The following ARID1A variants were observed in gnomAD, a reference collection of about 807,000 sequenced individuals.
ARID1A encodes AT-rich interaction domain 1A.
ARID1A carries 20 observed loss-of-function variants against 212.6 expected under a neutral mutation model. The observed-to-expected ratio is 0.09, with a 90% CI of 0.07 to 0.14. The LOEUF (loss-of-function observed/expected upper bound fraction) is 0.14. ARID1A is among the 10% of genes least tolerant of loss of function. ARID1A has a pLI of 1.00. For synonymous variants in ARID1A, 1,376 were observed against 1,222.1 expected (o/e 1.13, Z -2.63); for missense variants, 2,587 against 3,059.0 (o/e 0.85, Z 3.64).
chr1:26,737,464 G>A (rs1260723314), intron 4 of ARID1A, among the ~76,000 whole-genome samples: 1 of 152,164 alleles, frequency 6.6e-6, no homozygotes, highest in African/African-American at 2.4e-5. Flanking sequence ...CAGGCACTGT[G>A]TTATTGACCT....
Position 26,768,009 on chromosome 1 carries a change from C to T in ARID1A, c.3198+10C>T, listed in dbSNP as rs376389652. 176 of 1,612,558 alleles carry T rather than the reference C, an allele frequency of 1.1e-4. No homozygotes were observed. The highest frequency in any genetic ancestry group is 2.8e-4 in the African/African-American group (21 of 74,892). ...TGGTGGATTGACTCAGGTGAGTGGG[C>T]GCCTGACACTTGACTGCCCCTGTGG... is the stretch of plus-strand genomic sequence containing the variant. On this transcript the variant is annotated intron_variant, in intron 11 of 19. Transcript: ENST00000324856.
At chr1:26,762,596 A>G (rs2081002445) in intron 7 of ARID1A, among the ~76,000 whole-genome samples, 1 of 152,242 alleles carries the variant, frequency 6.6e-6, no homozygotes, top group African/African-American at 2.4e-5. Context: ...GACAATTTAT[A>G]CATGGTAGCT....
In ARID1A at chr1:26,774,293, G is replaced by C. The variant is rs370696482; in HGVS notation, c.4102-36G>C. On this transcript the variant is annotated intron_variant, in intron 17 of 19. Transcript: ENST00000324856. The surrounding 1 kb of genome is among the most constrained non-coding windows in gnomAD (Gnocchi z 5.6). ...TGTGGGCTTTATGTCCCTGAGTGCA[G>C]AGTATTAACTTCCCCTCTGCTTGTC... The C allele has an allele frequency of 4.6e-6, 7 of 1,516,560 alleles. No individual in the cohort carries two copies. Among genetic ancestry groups the C allele is most frequent in the Non-Finnish European group, 6.2e-6 (7 of 1,133,056 alleles). The allele number at this position is 1,516,560 out of a possible 1,614,324, so 93.9% of individuals were successfully genotyped here. A position where few individuals can be genotyped will look rare whatever the true frequency, so the allele number is the denominator to read the frequency against.
intron 10 of ARID1A, among the ~76,000 whole-genome samples, chr1:26,766,924 A>T (rs1430485278): frequency 6.6e-6 from 1 of 152,166 alleles, no homozygotes; most frequent in African/African-American, 2.4e-5. Context: ...GCCATGGGCA[A>T]CTAGTTGCTC....
rs1186510839 is a variant in ARID1A, at chr1:26,696,622, G to A, written c.219G>A (p.Leu73=). 8.7e-6 allele frequency: 11 copies of A among 1,260,222 alleles called. No individual in the cohort carries two copies. The highest frequency in any genetic ancestry group is 4.2e-5 in the Admixed American group (1 of 23,546). The allele number at this position is 1,260,222 out of a possible 1,614,324, so 78.1% of individuals were successfully genotyped here. Residue 73 remains leucine (L), a synonymous_variant, in exon 1 of 20, where the codon CTG becomes CTA. Transcript: ENST00000324856. ...VGPPQPLGKE[L]QDGAESNGGG... ...CGCCGCAGCCGCTGGGAAAGGAGCT[G>A]CAGGACGGGGCCGAGAGCAATGGGG... is the stretch of plus-strand genomic sequence containing the variant.
chr1:26,773,816 G>A lies in ARID1A; in HGVS notation c.4019G>A (p.Gly1340Asp), dbSNP rs2081107999. The A allele has an allele frequency of 1.2e-6, 2 of 1,613,980 alleles. No homozygotes were observed. Among genetic ancestry groups the A allele is most frequent in the African/African-American group, 2.7e-5 (2 of 74,884 alleles). Residue 1340 changes from glycine to aspartate, a missense_variant, in exon 17 of 20, where the codon GGC becomes GAC. Physicochemically the swap from Gly to Asp is moderately conservative, Grantham distance 94. Coordinates refer to ENST00000324856, the MANE Select transcript of ARID1A (RefSeq NM_006015.6). ...GCCTCCTATAGACATGATTCCTATG[G>A]CAATCAGTTCTCCACCCAAGGCACC... ...QQQQQRHDSY[G>D]NQFSTQGTPS...
In ARID1A at chr1:26,781,201, A is replaced by C; in HGVS notation, c.*445A>C. The C allele has an allele frequency of 4.2e-6, 1 of 240,550 alleles. No individual in the cohort carries two copies. The highest frequency in any genetic ancestry group is 8.2e-6 in the Non-Finnish European group (1 of 122,680). 14.9% of individuals were successfully genotyped at this position (240,550 alleles called of 1,614,324 possible). On this transcript the variant is annotated 3_prime_UTR_variant, in exon 20 of 20. Transcript: ENST00000324856. Reference sequence around the variant, plus strand: ...AATACAAAAAAAAATTCTGAAGGACAAAAAAGGTGACTGCTGAACTGTGTG... The same window carrying C: ...AATACAAAAAAAAATTCTGAAGGACCAAAAAGGTGACTGCTGAACTGTGTG...
rs1448122898 is a variant in ARID1A at position 26,773,466 on chromosome 1, A to G, written c.3836A>G (p.Tyr1279Cys). 1.9e-6 allele frequency: 3 copies of G among 1,613,330 alleles called. No individual in the cohort carries two copies. Among genetic ancestry groups the G allele is most frequent in the East Asian group, 2.2e-5 (1 of 44,874 alleles). Residue 1279 changes from tyrosine (Y) to cysteine (C), a missense_variant, in exon 15 of 20, where the codon TAT becomes TGT. Tyr to Cys is a radical substitution (Grantham distance 194). Transcript: ENST00000324856. Reference protein sequence around the residue: ...GNVAMGPRQHYPYGGPYDRVR... With the variant: ...GNVAMGPRQHCPYGGPYDRVR... ...GTGGCGATGGGACCACGACAGCACT[A>G]TCCCTATGGAGGTCCTTATGACAGA... is the stretch of plus-strand genomic sequence containing the variant.
chr1:26,696,824 G>A lies in ARID1A; in HGVS notation c.421G>A (p.Ala141Thr), dbSNP rs1392898464. The A allele has an allele frequency of 8.2e-6, 11 of 1,339,020 alleles. No homozygotes were observed. The Admixed American group carries it at 3.7e-4, about 45-fold the overall frequency. 82.9% of individuals were successfully genotyped at this position (1,339,020 alleles called of 1,614,324 possible). A position where few individuals can be genotyped will look rare whatever the true frequency, so the allele number is the denominator to read the frequency against. ...GGGGGCGCCTCCTCACTCAGCCGCG[G>A]CCGCCTTGCCGCCCCCAGCCTACGG... ...GVGAPPHSAA[A>T]ALPPPAYGFG... Residue 141 changes from alanine (A) to threonine (T), a missense_variant, in exon 1 of 20, where the codon GCC becomes ACC. Ala to Thr is a moderately conservative substitution (Grantham distance 58). This residue lies in a region of ARID1A where 735 missense variants were observed against 590.6 expected (regional missense o/e 1.24). Coordinates refer to ENST00000324856, the MANE Select transcript of ARID1A (RefSeq NM_006015.6).
rs768785041 is a variant in ARID1A, at chr1:26,779,362, C to A, written c.5464C>A (p.Pro1822Thr). 2 of 1,614,214 alleles carry A rather than the reference C, an allele frequency of 1.2e-6. No homozygotes were observed. The change falls in exon 20 of 20, where the codon CCA becomes ACA. Residue 1822 changes from proline (P) to threonine (T), a missense_variant. Transcript: ENST00000324856. ...LPVKIVQKND[P>T]FVVDCSDKLG... is the part of the protein sequence containing the mutation. ...AGTAAAGATCGTACAGAAGAATGAT[C>A]CATTTGTGGTGGACTGCTCAGATAA...
intron 4 of ARID1A, among the ~76,000 whole-genome samples, chr1:26,740,988 G>C (rs1279506933): frequency 6.6e-6 from 1 of 152,186 alleles, no homozygotes; most frequent in Non-Finnish European, 1.5e-5. Context: ...AATATAGTAA[G>C]ATTTCTGAAA....
At chr1:26,708,639 G>A (rs1367510418) in intron 1 of ARID1A, among the ~76,000 whole-genome samples, 1 of 151,570 alleles carries the variant, frequency 6.6e-6, no homozygotes, top group Non-Finnish European at 1.5e-5. Context: ...AGTATATGCA[G>A]AGTGATATTA....
At chr1:26,699,394 C>T (rs1024273450) in intron 1 of ARID1A, among the ~76,000 whole-genome samples, 25 of 152,226 alleles carry the variant, frequency 1.6e-4, no homozygotes, top group Admixed American at 3.9e-4. Context: ...AAGCTCCATT[C>T]ATCCCCTCCC....
At chr1:26,735,969 C>G (rs1481988666) in intron 4 of ARID1A, among the ~76,000 whole-genome samples, 1 of 152,128 alleles carries the variant, frequency 6.6e-6, no homozygotes, top group African/African-American at 2.4e-5. Context: ...AATCAAGCTT[C>G]AAGACGCACC....
At chr1:26,736,628 C>CA (rs71007890) in intron 4 of ARID1A, among the ~76,000 whole-genome samples, 604 of 73,880 alleles carry the variant, frequency 8.2e-3, no homozygotes, top group Admixed American at 0.011. Flanking sequence ...GACTCTGTCT[C>CA]AAAAAAAAAA....
rs752117640 is a variant in ARID1A at position 26,697,460 on chromosome 1, G to T, written c.1057G>T (p.Ala353Ser). 9 of 1,383,224 alleles carry T rather than the reference G, an allele frequency of 6.5e-6. No individual in the cohort carries two copies. In the South Asian group the frequency reaches 1.5e-4, roughly 23 times the overall value. The allele number at this position is 1,383,224 out of a possible 1,614,324, so 85.7% of individuals were successfully genotyped here. Residue 353 changes from alanine to serine, a missense_variant, in exon 1 of 20, where the codon GCC becomes TCC. Physicochemically the swap from Ala to Ser is moderately conservative, Grantham distance 99. Around this residue, in one of 11 missense-constraint regions of ARID1A, gnomAD observed 735 missense variants for 590.6 expected, o/e 1.24. Coordinates refer to ENST00000324856, the MANE Select transcript of ARID1A (RefSeq NM_006015.6). ...TGCGGCGGCGGCCGCCTCGGGAGGGGCCCAACAAAGGAGCCACCACGCGCC... is the reference window on the plus strand; with the variant it reads ...TGCGGCGGCGGCCGCCTCGGGAGGGTCCCAACAAAGGAGCCACCACGCGCC... Reference protein sequence around the residue: ...AAAAAAASGGAQQRSHHAPMS... With the variant: ...AAAAAAASGGSQQRSHHAPMS...
chr1:26,739,852 C>T (rs900493599), intron 4 of ARID1A, among the ~76,000 whole-genome samples: 8 of 152,152 alleles, frequency 5.3e-5, no homozygotes, highest in African/African-American at 1.9e-4. Flanking sequence ...CCCTCTCTTT[C>T]TCCACTGCCT....
chr1:26,775,185 T>G lies in ARID1A; in HGVS notation c.4958T>G (p.Leu1653Trp). 1 of 1,603,896 alleles carries G rather than the reference T, an allele frequency of 6.2e-7. No homozygotes were observed. The highest frequency in any genetic ancestry group is 8.5e-7 in the Non-Finnish European group (1 of 1,176,338). ...TCTGTTGAAGCCACACAGCCTGTGTTGAAGCAGAGGAGGCGGCTCACAATG... is the reference window on the plus strand; with the variant it reads ...TCTGTTGAAGCCACACAGCCTGTGTGGAAGCAGAGGAGGCGGCTCACAATG... ...PGSVEATQPV[L>W]KQRRRLTMKD... The change falls in exon 18 of 20, where the codon TTG becomes TGG. Residue 1653 changes from leucine (L) to tryptophan (W), a missense_variant. Physicochemically the swap from Leu to Trp is moderately conservative, Grantham distance 61 (BLOSUM62 -2). Coordinates refer to ENST00000324856, the MANE Select transcript of ARID1A (RefSeq NM_006015.6).
Position 26,767,848 on chromosome 1 carries a change from G to T in ARID1A, c.3047G>T (p.Gly1016Val), listed in dbSNP as rs773728646. ...ATCACCAAGTTGTATGAGCTGGGTG[G>T]TGAGCCTGAGAGGAAGATGTGGGTG... ...EKITKLYELG[G>V]EPERKMWVDR... Residue 1016 changes from glycine to valine, a missense_variant, in exon 11 of 20, where the codon GGT becomes GTT. Coordinates refer to ENST00000324856, the MANE Select transcript of ARID1A (RefSeq NM_006015.6). 3 of 1,614,158 alleles carry T rather than the reference G, an allele frequency of 1.9e-6. No homozygotes were observed. Among genetic ancestry groups the T allele is most frequent in the Non-Finnish European group, 2.5e-6 (3 of 1,180,020 alleles).
Sources: gnomAD v4.1 joint callset for allele counts (sites outside exome capture counted in the v4.1 genomes callset) on GRCh38, gnomAD v4.1.1 for gene constraint, gnomAD v4.1.1 regional missense constraint, Gnocchi (gnomAD v3.1) non-coding constraint, MANE v1.5 for transcripts, NCBI Gene and HGNC (gene_info 2026-07-23, HGNC 2026-07-21) for gene names.